The following DIS3L2 variants were observed in gnomAD, a reference collection of about 807,000 sequenced individuals.
DIS3L2 encodes the protein DIS3-like exonuclease 2.
A neutral mutation model predicts 97.5 loss-of-function variants in DIS3L2; 34 were observed. The observed-to-expected ratio is 0.35, with a 90% CI of 0.27 to 0.46. The LOEUF (loss-of-function observed/expected upper bound fraction) is 0.46. Among genes scored for constraint, DIS3L2 ranks in the 20% least tolerant of loss-of-function variants. The pLI is 1.00. For synonymous variants in DIS3L2, 435 were observed against 445.2 expected (o/e 0.98, Z 0.29); for missense variants, 1,038 against 1,146.0 (o/e 0.91, Z 1.36).
chr2:232,142,033 T>C (rs977897628), intron 8 of DIS3L2, among the ~76,000 whole-genome samples: 1 of 152,154 alleles, frequency 6.6e-6, no homozygotes, highest in Non-Finnish European at 1.5e-5. Context: ...CTGTATCCAA[T>C]CTTTCCCTTT....
At chr2:231,963,561 A>G (rs1388966361) in intron 1 of DIS3L2, among the ~76,000 whole-genome samples, 1 of 152,116 alleles carries the variant, frequency 6.6e-6, no homozygotes, top group Non-Finnish European at 1.5e-5. Flanking sequence ...TAATCTGTTG[A>G]TAATTTCTTT....
chr2:232,074,991 C>A (rs1282866497), intron 5 of DIS3L2, among the ~76,000 whole-genome samples: 2 of 152,152 alleles, frequency 1.3e-5, no homozygotes, highest in Non-Finnish European at 2.9e-5. Context: ...CACAGAAGAG[C>A]TGGGTCTTGA....
rs117737887 is a variant in DIS3L2 at position 232,003,045 on chromosome 2, T to C, written c.-93-11790T>C. 8.5e-5 allele frequency among the ~76,000 whole-genome samples: 13 copies of C among 152,302 alleles called. No homozygotes were observed. In the East Asian group the frequency reaches 2.5e-3, roughly 29 times the overall value. Reference sequence around the variant, plus strand: ...CATCAGGTTATGGTCAAATTAAGCCTAGAACAGGAAGTAAGCCAGGCTTAC... The same window carrying C: ...CATCAGGTTATGGTCAAATTAAGCCCAGAACAGGAAGTAAGCCAGGCTTAC... On this transcript the variant is annotated intron_variant, in intron 1 of 20. Coordinates refer to ENST00000325385, the MANE Select transcript of DIS3L2 (RefSeq NM_152383.5).
intron 1 of DIS3L2, among the ~76,000 whole-genome samples, chr2:231,962,706 AT>A (rs2106209038): frequency 6.6e-6 from 1 of 152,206 alleles, no homozygotes; most frequent in African/African-American, 2.4e-5. Flanking sequence ...AAGTGCTAGG[AT>A]TACAGGCGTG....
intron 10 of DIS3L2, among the ~76,000 whole-genome samples, chr2:232,215,523 T>G (rs960591992): frequency 5.3e-5 from 8 of 152,202 alleles, no homozygotes; most frequent in South Asian, 2.1e-4. Flanking sequence ...TGACATTTTT[T>G]GGGGAGGATG....
chr2:232,252,369 A>G (rs1693442209), intron 12 of DIS3L2, among the ~76,000 whole-genome samples: 1 of 152,158 alleles, frequency 6.6e-6, no homozygotes, highest in African/African-American at 2.4e-5. Context: ...AGATCGTGCC[A>G]TTGCACTCCA....
intron 14 of DIS3L2, among the ~76,000 whole-genome samples, chr2:232,327,229 G>GTC (rs1432104847): frequency 6.6e-6 from 1 of 152,236 alleles, no homozygotes; most frequent in African/African-American, 2.4e-5. Flanking sequence ...CCGCCTGGTG[G>GTC]CCTCCTTAGC....
intron 9 of DIS3L2, among the ~76,000 whole-genome samples, chr2:232,207,796 A>G (rs1324098129): frequency 1.3e-5 from 2 of 152,220 alleles, no homozygotes; most frequent in Non-Finnish European, 2.9e-5. Flanking sequence ...TCTTGTAACA[A>G]ATGTTACAAG....
rs961405705 is a variant in DIS3L2 at position 232,243,996 on chromosome 2, T to C, written c.1318-5243T>C. Among the ~76,000 whole-genome samples, 3 of 152,322 alleles carry C rather than the reference T, an allele frequency of 2.0e-5. No individual in the cohort carries two copies. The South Asian group carries it at 6.2e-4, about 32-fold the overall frequency. The stretch of plus-strand genomic sequence containing the variant: ...TTAGCTATTGGGAAGGTAAAGCCAG[T>C]GTGTCCTAACATAAATGGAATTGCA... On this transcript the variant is annotated intron_variant, in intron 11 of 20. Transcript: ENST00000325385.
At chr2:232,228,815 T>A (rs1451984288) in intron 10 of DIS3L2, among the ~76,000 whole-genome samples, 3 of 152,244 alleles carry the variant, frequency 2.0e-5, no homozygotes, top group Non-Finnish European at 4.4e-5. Context: ...AAAGTTTACA[T>A]CTAAGCAAAA....
intron 1 of DIS3L2, among the ~76,000 whole-genome samples, chr2:231,966,171 C>CTTCT (rs1553593878): frequency 5.0e-5 from 7 of 140,472 alleles, no homozygotes; most frequent in Admixed American, 4.2e-4. Context: ...TCTTCTTCTT[C>CTTCT]TTTTTTTTTT....
chr2:232,128,065 G>T (rs944057342), intron 6 of DIS3L2, among the ~76,000 whole-genome samples: 1 of 151,698 alleles, frequency 6.6e-6, no homozygotes, highest in Admixed American at 6.6e-5. Flanking sequence ...ATCCTCCCAC[G>T]TGAACCTCTC....
chr2:232,256,493 T>G (rs1693565966), intron 12 of DIS3L2, among the ~76,000 whole-genome samples: 1 of 152,254 alleles, frequency 6.6e-6, no homozygotes, highest in African/African-American at 2.4e-5. Context: ...CTATGTTGTG[T>G]ACCAGTTGGG....
chr2:232,163,141 T>A (rs1462561112), intron 8 of DIS3L2, among the ~76,000 whole-genome samples: 5 of 152,220 alleles, frequency 3.3e-5, no homozygotes, highest in Non-Finnish European at 7.3e-5. Context: ...CACACTGGAT[T>A]GATCATAATA....
In DIS3L2 at chr2:232,293,427, G is replaced by A. The variant is rs1042670322; in HGVS notation, c.1660-6613G>A. Among the ~76,000 whole-genome samples, 4 of 152,174 alleles carry A rather than the reference G, an allele frequency of 2.6e-5. No individual in the cohort carries two copies. Among genetic ancestry groups the A allele is most frequent in the Admixed American group, 2.6e-4 (4 of 15,276 alleles). ...GGGGAAATACCTCTGGCATTCCAGCGAAGGGGAAAACAAAAGATCAGGGCC... is the reference window on the plus strand; with the variant it reads ...GGGGAAATACCTCTGGCATTCCAGCAAAGGGGAAAACAAAAGATCAGGGCC... On this transcript the variant is annotated intron_variant, in intron 13 of 20. Transcript: ENST00000325385. The surrounding 1 kb of genome is among the most constrained non-coding windows in gnomAD (Gnocchi z 4.6).
chr2:232,199,566 TG>T (rs1691839234), intron 9 of DIS3L2, among the ~76,000 whole-genome samples: 1 of 152,248 alleles, frequency 6.6e-6, no homozygotes. Context: ...TCTGTGATTC[TG>T]GTCCCTGAAC....
At chr2:232,117,549 C>T (rs1242381247) in intron 6 of DIS3L2, among the ~76,000 whole-genome samples, 1 of 152,204 alleles carries the variant, frequency 6.6e-6, no homozygotes, top group Non-Finnish European at 1.5e-5. Context: ...TCAAATGAAT[C>T]TTCCTGCAGA....
intron 8 of DIS3L2, among the ~76,000 whole-genome samples, chr2:232,148,254 G>A (rs530621507): frequency 6.6e-6 from 1 of 152,068 alleles, no homozygotes; most frequent in South Asian, 2.1e-4. Context: ...TCACCATGTT[G>A]GCCAGGATAG....
chr2:232,106,332 C>G (rs1006910896), intron 6 of DIS3L2, among the ~76,000 whole-genome samples: 1 of 152,064 alleles, frequency 6.6e-6, no homozygotes, highest in Non-Finnish European at 1.5e-5. Context: ...TTTTATAATA[C>G]TGAATGAAAA....
Sources: allele counts gnomAD v4.1 joint callset (sites outside exome capture counted in the v4.1 genomes callset), GRCh38; gene constraint gnomAD v4.1.1; non-coding constraint Gnocchi (gnomAD v3.1); transcripts MANE v1.5; gene names NCBI Gene and HGNC (gene_info 2026-07-23, HGNC 2026-07-21).